The following CDC25A variants were observed in gnomAD, a reference collection of about 807,000 sequenced individuals.
CDC25A encodes the protein M-phase inducer phosphatase 1.
Under a neutral mutation model 64.6 loss-of-function variants are expected in CDC25A, and 17 were observed. The observed-to-expected ratio is 0.26, with a 90% confidence interval of 0.18 to 0.39. The LOEUF (loss-of-function observed/expected upper bound fraction) is 0.39. CDC25A is among the 10% of genes least tolerant of loss of function. CDC25A has a pLI of 1.00. For missense variants in CDC25A, 473 were observed against 654.8 expected (o/e 0.72, Z 3.03); for synonymous variants, 229 against 238.6 (o/e 0.96, Z 0.37).
chr3:48,176,633 C>A, intron 8 of CDC25A, among the ~76,000 whole-genome samples: 1 of 146,140 alleles, frequency 6.8e-6, no homozygotes, highest in African/African-American at 2.6e-5. Flanking sequence ...TAGGTATTTT[C>A]AATGAAAAAC....
In CDC25A at chr3:48,188,281, A is replaced by G; in HGVS notation, c.-334T>C. ...GAAGCCGGGCGAGAGCCTCGAGGCA[A>G]CGGCCCAGGCTCACGCTGTCTTCGC... On this transcript the variant is annotated 5_prime_UTR_variant, in exon 1 of 15. Coordinates refer to ENST00000302506, the MANE Select transcript of CDC25A (RefSeq NM_001789.3). The G allele has an allele frequency of 4.6e-6, 1 of 216,014 alleles. No homozygotes were observed. The highest frequency in any genetic ancestry group is 9.1e-6 in the Non-Finnish European group (1 of 110,242). 13.4% of individuals were successfully genotyped at this position (216,014 alleles called of 1,614,324 possible).
intron 14 of CDC25A, 90 bp downstream of exon 14, chr3:48,159,254 C>T: frequency 7.7e-7 from 1 of 1,302,426 alleles, no homozygotes; most frequent in Non-Finnish European, 1.1e-6. Context: ...CCCCCGACCC[C>T]TGGAAAGAAA....
In CDC25A at chr3:48,158,303, CAG is replaced by C. The variant is rs1179142393; in HGVS notation, c.*640_*641del. 6.6e-6 allele frequency: 1 copy of C among 152,514 alleles called. No homozygotes were observed. The highest frequency in any genetic ancestry group is 1.5e-5 in the Non-Finnish European group (1 of 68,008). The allele number at this position is 152,514 out of a possible 1,614,324, so 9.4% of individuals were successfully genotyped here. Reference sequence around the variant, plus strand: ...GTACCACAGCGCCTCCTGGGGGTGACAGAGCACCTAGCTTTCTGTCCGATAAC... The same window carrying C: ...GTACCACAGCGCCTCCTGGGGGTGACAGCACCTAGCTTTCTGTCCGATAAC... On this transcript the variant is annotated 3_prime_UTR_variant, in exon 15 of 15. Transcript: ENST00000302506.
Position 48,188,065 on chromosome 3 carries a change from A to C in CDC25A, c.-118T>G. ...CACCGGCGCCCGCGGGTCAAACACA[A>C]ACACGACTCCGCGGTTCAGGGACGC... is the stretch of plus-strand genomic sequence containing the variant. On this transcript the variant is annotated 5_prime_UTR_variant, in exon 1 of 15. Coordinates refer to ENST00000302506, the MANE Select transcript of CDC25A (RefSeq NM_001789.3). The C allele has an allele frequency of 1.8e-4, 143 of 778,414 alleles. No individual in the cohort carries two copies. The highest frequency in any genetic ancestry group is 2.1e-4 in the Non-Finnish European group (120 of 578,072). The allele number at this position is 778,414 out of a possible 1,614,324, so 48.2% of individuals were successfully genotyped here.
At chr3:48,171,305 C>T (rs978417357) in intron 9 of CDC25A, among the ~76,000 whole-genome samples, 5 of 150,992 alleles carry the variant, frequency 3.3e-5, no homozygotes, top group Non-Finnish European at 5.9e-5. Context: ...ACTGGGGAGG[C>T]GGAGGTTGCC....
chr3:48,169,176 T>C (rs2032172937), intron 9 of CDC25A, among the ~76,000 whole-genome samples: 1 of 152,234 alleles, frequency 6.6e-6, no homozygotes, highest in Non-Finnish European at 1.5e-5. Flanking sequence ...ATATTCATCC[T>C]GCCTTTCCCA....
At chr3:48,177,291 T>C in intron 8 of CDC25A, 80 bp downstream of exon 8, 1 of 1,065,858 alleles carries the variant, frequency 9.4e-7, no homozygotes, top group African/African-American at 1.6e-5. Flanking sequence ...TTTCAATCTT[T>C]GGCTATACTC....
chr3:48,185,457 C>G (rs2032814132), intron 2 of CDC25A, among the ~76,000 whole-genome samples: 1 of 149,758 alleles, frequency 6.7e-6, no homozygotes, highest in Non-Finnish European at 1.5e-5. Context: ...GGTGCAGTAG[C>G]TCACCCCTGT....
chr3:48,173,506 G>A (rs887464400), intron 9 of CDC25A, among the ~76,000 whole-genome samples: 7 of 152,202 alleles, frequency 4.6e-5, no homozygotes, highest in Admixed American at 1.3e-4. Context: ...GCCTATTGAG[G>A]CAGAAGACTT....
chr3:48,187,548 C>T (rs548406459), intron 1 of CDC25A, among the ~76,000 whole-genome samples: 214 of 152,372 alleles, frequency 1.4e-3, no homozygotes, highest in African/African-American at 5.0e-3. Flanking sequence ...CTGGCTCGGG[C>T]TTAGGCCCAA....
Position 48,158,420 on chromosome 3 carries a change from G to T in CDC25A, c.*525C>A, listed in dbSNP as rs966854622. The stretch of plus-strand genomic sequence containing the variant: ...CCCTGGGATAATAAAACCCTACCTA[G>T]AATGGCAGTATTTCAACCTAATGAA... On this transcript the variant is annotated 3_prime_UTR_variant, in exon 15 of 15. Coordinates refer to ENST00000302506, the MANE Select transcript of CDC25A (RefSeq NM_001789.3). The T allele has an allele frequency of 1.5e-4, 23 of 151,394 alleles. No homozygotes were observed. The highest frequency in any genetic ancestry group is 5.6e-4 in the African/African-American group (23 of 40,956). 9.4% of individuals were successfully genotyped at this position (151,394 alleles called of 1,614,324 possible).
At position 48,167,957 on chromosome 3, in the gene CDC25A, A is replaced by G; in HGVS notation, c.931-13T>C. 6.8e-7 allele frequency: 1 copy of G among 1,478,154 alleles called. No homozygotes were observed. 91.6% of individuals were successfully genotyped at this position (1,478,154 alleles called of 1,614,324 possible). A position where few individuals can be genotyped will look rare whatever the true frequency, so the allele number is the denominator to read the frequency against. On this transcript the variant is annotated splice_polypyrimidine_tract_variant and intron_variant, in intron 9 of 14. Coordinates refer to ENST00000302506, the MANE Select transcript of CDC25A (RefSeq NM_001789.3). The stretch of plus-strand genomic sequence containing the variant: ...ACTGATGAAGAGTCTGTAACAAATC[A>G]AAGGTAGAGAATGAGACAAGGGTTC...
chr3:48,162,174 C>T (rs981072305), intron 13 of CDC25A, among the ~76,000 whole-genome samples: 12 of 152,218 alleles, frequency 7.9e-5, no homozygotes, highest in African/African-American at 2.6e-4. Flanking sequence ...TCAAGTTGTA[C>T]TGTAGTTGCC....
Position 48,188,271 on chromosome 3 carries a change from C to T in CDC25A, c.-324G>A. On this transcript the variant is annotated 5_prime_UTR_variant, in exon 1 of 15. Transcript: ENST00000302506. ...GTCGGCAAGAGAAGCCGGGCGAGAG[C>T]CTCGAGGCAACGGCCCAGGCTCACG... 4.3e-6 allele frequency: 1 copy of T among 231,828 alleles called. No individual in the cohort carries two copies. Among genetic ancestry groups the T allele is most frequent in the Non-Finnish European group, 8.3e-6 (1 of 120,360 alleles). 14.4% of individuals were successfully genotyped at this position (231,828 alleles called of 1,614,324 possible).
At chr3:48,160,952 G>A (rs1342778607) in intron 13 of CDC25A, among the ~76,000 whole-genome samples, 2 of 151,738 alleles carry the variant, frequency 1.3e-5, no homozygotes, top group South Asian at 2.1e-4. Flanking sequence ...AGGAGTTCGA[G>A]ACCAGCCTGG....
At chr3:48,168,360 C>CCAAACA in intron 9 of CDC25A, among the ~76,000 whole-genome samples, 1 of 106,606 alleles carries the variant, frequency 9.4e-6, no homozygotes, top group African/African-American at 3.8e-5. Flanking sequence ...AAGACCCTGT[C>CCAAACA]CACACACACA....
At position 48,173,525 on chromosome 3, in the gene CDC25A, T is replaced by A. The variant is rs558968829; in HGVS notation, c.930+759A>T. The stretch of plus-strand genomic sequence containing the variant: ...ATTGAGGCAGAAGACTTTTAGACAA[T>A]AATCATTCTACTAGTCAACACAGAA... On this transcript the variant is annotated intron_variant, in intron 9 of 14. Coordinates refer to ENST00000302506, the MANE Select transcript of CDC25A (RefSeq NM_001789.3). 5.3e-5 allele frequency among the ~76,000 whole-genome samples: 8 copies of A among 152,238 alleles called. No individual in the cohort carries two copies. The South Asian group carries it at 1.7e-3, about 32-fold the overall frequency.
chr3:48,179,867 A>G (rs1229291816), intron 6 of CDC25A, among the ~76,000 whole-genome samples: 2 of 152,216 alleles, frequency 1.3e-5, no homozygotes, highest in African/African-American at 4.8e-5. Flanking sequence ...TTGGAAAGGT[A>G]TATTTTCAGA....
In CDC25A at chr3:48,159,066, C is replaced by T. The variant is rs925063767; in HGVS notation, c.1454G>A (p.Ser485Asn). Residue 485 changes from serine to asparagine, a missense_variant, in exon 15 of 15, where the codon AGC (serine) becomes AAC (asparagine). Physicochemically the swap from Ser to Asn is conservative, Grantham distance 46 (BLOSUM62 1). Transcript: ENST00000302506. ...GTCCTCGTGGTGCATGGGCCGGTAG[C>T]TAGGGGGCTCACAGTAAGACTGAGG... ...MKCQSYCEPPSYRPMHHEDFK... is the reference protein window; with the variant it reads ...MKCQSYCEPPNYRPMHHEDFK... 1.9e-5 allele frequency: 30 copies of T among 1,613,980 alleles called. No individual in the cohort carries two copies. Among genetic ancestry groups the T allele is most frequent in the Non-Finnish European group, 2.5e-5 (30 of 1,180,016 alleles).
Sources: allele counts gnomAD v4.1 joint callset (sites outside exome capture counted in the v4.1 genomes callset), GRCh38; gene constraint gnomAD v4.1.1; transcripts MANE v1.5; gene names NCBI Gene and HGNC (gene_info 2026-07-23, HGNC 2026-07-21).